Variants in NALF2 observed in about 807,000 individuals in gnomAD.
NALF2 encodes NALCN channel auxiliary factor 2.
Under a neutral mutation model 24.8 loss-of-function variants are expected in NALF2, and 1 was observed. That is an observed-to-expected ratio of 0.04 (90% CI 0.01 to 0.19). The LOEUF is 0.19. Ranked by LOEUF, NALF2 falls within the 10% of genes least tolerant of loss-of-function variation. NALF2 has a pLI of 1.00. For missense variants in NALF2, 458 were observed against 409.6 expected, an observed-to-expected ratio of 1.12 and a Z score of -1.02; for synonymous variants, 254 against 189.8, an observed-to-expected ratio of 1.34 and a Z score of -2.78.
At chrX:69,528,337 G>T (rs777159635) in intron 1 of NALF2, among the ~76,000 whole-genome samples, 2 of 111,910 alleles carry the variant, frequency 1.8e-5, no homozygotes, top group Admixed American at 9.4e-5. Flanking sequence ...ATGCCAGAGC[G>T]GAAGCCAATA....
chrX:69,505,435 C>T lies in NALF2; in HGVS notation c.153C>T (p.Leu51=), dbSNP rs895472992. 8 of 1,146,344 alleles carry T rather than the reference C, an allele frequency of 7.0e-6. No homozygotes were observed. The highest frequency in any genetic ancestry group is 5.4e-5 in the Admixed American group (2 of 36,883). The allele number at this position is 1,146,344 out of a possible 1,213,427, so 94.5% of individuals were successfully genotyped here. A position where few individuals can be genotyped will look rare whatever the true frequency, so the allele number is the denominator to read the frequency against. ...GGCGACTGTCCCTGGCGTCCCTGCT[C>T]TTCTTCACCGTGCTGCTCGCTGACC... The part of the protein sequence containing the change: ...QRWRLSLASL[L]FFTVLLADHL... Residue 51 remains leucine, a synonymous_variant, in exon 1 of 3, where the codon CTC becomes CTT. Coordinates refer to ENST00000252338, the MANE Select transcript of NALF2 (RefSeq NM_015686.3).
In NALF2 at chrX:69,505,716, C is replaced by T; in HGVS notation, c.434C>T (p.Ala145Val). 1.7e-6 allele frequency: 2 copies of T among 1,210,918 alleles called. No individual in the cohort carries two copies. The highest frequency in any genetic ancestry group is 1.1e-6 in the Non-Finnish European group (1 of 895,021). ...GGVPEPTGLD[A>V]ACTKLQSLQR... ...GTCCCAGAGCCCACGGGGCTGGACGCAGCTTGCACCAAATTGCAATCTTTG... is the reference window on the plus strand; with the variant it reads ...GTCCCAGAGCCCACGGGGCTGGACGTAGCTTGCACCAAATTGCAATCTTTG... Residue 145 changes from alanine (A) to valine (V), a missense_variant, in exon 1 of 3, where the codon GCA becomes GTA. Physicochemically the swap from Ala to Val is moderately conservative, Grantham distance 64. Transcript: ENST00000252338.
rs772089289 is a variant in NALF2, at chrX:69,505,784, C to G, written c.502C>G (p.Pro168Ala). ...EPTTPAPPLR[P>A]PDSLSRAPAE... ...GACTACTCCGGCCCCCCCTCTGCGG[C>G]CCCCTGACTCCCTTTCCCGTGCCCC... Residue 168 changes from proline (P) to alanine (A), a missense_variant, in exon 1 of 3, where the codon CCC becomes GCC. By Grantham distance (27) the Pro-to-Ala change is conservative. Coordinates refer to ENST00000252338, the MANE Select transcript of NALF2 (RefSeq NM_015686.3). 5.0e-5 allele frequency: 61 copies of G among 1,208,093 alleles called. No individual in the cohort carries two copies. The East Asian group carries it at 1.8e-3, about 35-fold the overall frequency.
Position 69,505,335 on chromosome X carries a change from T to G in NALF2, c.53T>G (p.Ile18Ser), listed in dbSNP as rs761972792. ...WPGKDAAALT[I>S]CCCCCCWAPR... ...GGGAAAGACGCCGCCGCGCTGACTA[T>G]CTGCTGCTGCTGCTGCTGCTGGGCT... is the stretch of plus-strand genomic sequence containing the variant. Residue 18 changes from isoleucine to serine, a missense_variant, in exon 1 of 3, where the codon ATC becomes AGC. By Grantham distance (142) the Ile-to-Ser change is moderately radical. Transcript: ENST00000252338. 3.0e-5 allele frequency: 35 copies of G among 1,148,958 alleles called. No individual in the cohort carries two copies. The highest frequency in any genetic ancestry group is 5.4e-5 in the Admixed American group (2 of 37,273). The allele number at this position is 1,148,958 out of a possible 1,213,427, so 94.7% of individuals were successfully genotyped here.
chrX:69,524,185 C>A (rs1043688922), intron 1 of NALF2, among the ~76,000 whole-genome samples: 1 of 107,187 alleles, frequency 9.3e-6, no homozygotes. Context: ...GCAACCTCCT[C>A]CCCCTGGGCA....
At position 69,504,692 on chromosome X, in the gene NALF2, C is replaced by G. The variant is rs1334264702; in HGVS notation, c.-591C>G. On this transcript the variant is annotated 5_prime_UTR_variant, in exon 1 of 3. Transcript: ENST00000252338. ...GAGCGCGAACGAAGCCCGAAGGGCC[C>G]GGCAACGGACCGGCCGGCCGGCCTA... Among the ~76,000 whole-genome samples, 1 of 112,115 alleles carries G rather than the reference C, an allele frequency of 8.9e-6. No individual in the cohort carries two copies. Among genetic ancestry groups the G allele is most frequent in the African/African-American group, 3.2e-5 (1 of 31,069 alleles).
chrX:69,524,144 T>G (rs1040661770), intron 1 of NALF2, among the ~76,000 whole-genome samples: 3 of 106,162 alleles, frequency 2.8e-5, no homozygotes, highest in Non-Finnish European at 5.8e-5. Context: ...GTTGCCCAGG[T>G]TGGAGTGCAA....
intron 1 of NALF2, among the ~76,000 whole-genome samples, chrX:69,516,017 G>A (rs1930656322): frequency 8.9e-6 from 1 of 112,174 alleles, no homozygotes; most frequent in African/African-American, 3.2e-5. Context: ...AGTCTTTGCT[G>A]GTGTAATTAT....
rs1930888614 is a variant in NALF2 at position 69,530,524 on chromosome X, T to TG, written c.*569dup. On this transcript the variant is annotated 3_prime_UTR_variant, in exon 3 of 3. Coordinates refer to ENST00000252338, the MANE Select transcript of NALF2 (RefSeq NM_015686.3). ...GGCTGGGAGATGAGGTGCACACAGT[T>TG]GCAGCTAGGTCGGGGCCCCAGTTAA... 8.8e-6 allele frequency: 1 copy of TG among 113,419 alleles called. No individual in the cohort carries two copies. Among genetic ancestry groups the TG allele is most frequent in the Non-Finnish European group, 1.9e-5 (1 of 53,813 alleles). 9.3% of individuals were successfully genotyped at this position (113,419 alleles called of 1,213,427 possible).
intron 1 of NALF2, among the ~76,000 whole-genome samples, chrX:69,522,817 C>G (rs1417166616): frequency 2.7e-5 from 3 of 112,275 alleles, no homozygotes; most frequent in Non-Finnish European, 5.6e-5. Flanking sequence ...TCACACACTT[C>G]TCTGTGTGCT....
chrX:69,515,223 C>G (rs925071413), intron 1 of NALF2, among the ~76,000 whole-genome samples: 2 of 111,865 alleles, frequency 1.8e-5, no homozygotes, highest in African/African-American at 6.5e-5. Flanking sequence ...CTATTAGCTC[C>G]CCTCCCAATC....
chrX:69,506,442 T>C (rs1225860687), intron 1 of NALF2, among the ~76,000 whole-genome samples: 1 of 112,906 alleles, frequency 8.9e-6, no homozygotes, highest in Admixed American at 9.2e-5. Flanking sequence ...GGGCTGACAA[T>C]GAGGTGGCAG....
chrX:69,504,707 C>G lies in NALF2; in HGVS notation c.-576C>G, dbSNP rs922909492. On this transcript the variant is annotated 5_prime_UTR_variant, in exon 1 of 3. Transcript: ENST00000252338. ...CCGAAGGGCCCGGCAACGGACCGGCCGGCCGGCCTAGGAGGGCGCGAGCGA... is the reference window on the plus strand; with the variant it reads ...CCGAAGGGCCCGGCAACGGACCGGCGGGCCGGCCTAGGAGGGCGCGAGCGA... 1.8e-5 allele frequency among the ~76,000 whole-genome samples: 2 copies of G among 111,690 alleles called. No individual in the cohort carries two copies. The highest frequency in any genetic ancestry group is 6.5e-5 in the African/African-American group (2 of 30,989).
chrX:69,524,644 C>CACT (rs140563275), intron 1 of NALF2, among the ~76,000 whole-genome samples: 9 of 109,711 alleles, frequency 8.2e-5, no homozygotes, highest in East Asian at 2.9e-4. Context: ...CAACCTCCCC[C>CACT]GTCAACCCCT....
chrX:69,525,913 C>G (rs764860037), intron 1 of NALF2, among the ~76,000 whole-genome samples: 1 of 110,549 alleles, frequency 9.0e-6, no homozygotes, highest in East Asian at 2.8e-4. Context: ...CCTCCTTTAA[C>G]CCTCCAGCTC....
intron 1 of NALF2, among the ~76,000 whole-genome samples, chrX:69,519,581 G>C (rs1450495865): frequency 8.9e-6 from 1 of 111,972 alleles, no homozygotes; most frequent in Admixed American, 9.5e-5. Flanking sequence ...TGTGATCTTA[G>C]GCTGCATTAA....
chrX:69,520,394 A>T (rs1163017421), intron 1 of NALF2, among the ~76,000 whole-genome samples: 1 of 111,783 alleles, frequency 8.9e-6, no homozygotes, highest in African/African-American at 3.3e-5. Flanking sequence ...ATTTGCTCTT[A>T]AAGCTTCTGC....
At chrX:69,510,361 C>T (rs1030542982) in intron 1 of NALF2, among the ~76,000 whole-genome samples, 6 of 112,186 alleles carry the variant, frequency 5.3e-5, no homozygotes, top group Admixed American at 2.8e-4. Flanking sequence ...TCCTCCACTC[C>T]GGCTGGCAGC....
chrX:69,505,249 T>G lies in NALF2; in HGVS notation c.-34T>G, dbSNP rs1395151195. 1.8e-6 allele frequency: 2 copies of G among 1,123,119 alleles called. No homozygotes were observed. Among genetic ancestry groups the G allele is most frequent in the Non-Finnish European group, 1.2e-6 (1 of 853,948 alleles). The allele number at this position is 1,123,119 out of a possible 1,213,427, so 92.6% of individuals were successfully genotyped here. A position where few individuals can be genotyped will look rare whatever the true frequency, so the allele number is the denominator to read the frequency against. ...CCAGACGGCCGTCTGGCCTCGCGCC[T>G]GCCTGTTCCCTCCAGCCCGGACCCC... On this transcript the variant is annotated 5_prime_UTR_variant, in exon 1 of 3. Transcript: ENST00000252338.
Sources: allele counts gnomAD v4.1 joint callset (sites outside exome capture counted in the v4.1 genomes callset), GRCh38; gene constraint gnomAD v4.1.1; transcripts MANE v1.5; gene names NCBI Gene and HGNC (gene_info 2026-07-23, HGNC 2026-07-21).